The following DCDC2 variants were observed in gnomAD, a reference collection of about 807,000 sequenced individuals.
DCDC2 encodes doublecortin domain-containing protein 2.
In DCDC2, 40 loss-of-function variants were observed where a neutral mutation model predicts 50.2. That is an observed-to-expected ratio of 0.80 (90% CI 0.62 to 1.04). The LOEUF (loss-of-function observed/expected upper bound fraction) is 1.04. DCDC2 is among the 50% of genes least tolerant of loss of function. The pLI, the probability that DCDC2 is intolerant of heterozygous loss-of-function variation, is 0.00. For missense variants in DCDC2, 570 were observed against 581.9 expected (o/e 0.98, Z 0.21); for synonymous variants, 234 against 210.6 (o/e 1.11, Z -0.96).
At chr6:24,201,543 G>A (rs1038670174) in intron 8 of DCDC2, among the ~76,000 whole-genome samples, 3 of 152,158 alleles carry the variant, frequency 2.0e-5, no homozygotes, top group African/African-American at 7.2e-5. Flanking sequence ...GCCCACAGGA[G>A]AAAGCAGAAA....
At chr6:24,262,313 A>G (rs1423138814) in intron 7 of DCDC2, among the ~76,000 whole-genome samples, 1 of 152,218 alleles carries the variant, frequency 6.6e-6, no homozygotes, top group African/African-American at 2.4e-5. Flanking sequence ...CCAGAGGGAA[A>G]CTGTCCCATC....
At chr6:24,371,170 A>G in the DCDC2 span, among the ~76,000 whole-genome samples, 3 of 150,692 alleles carry the variant, frequency 2.0e-5, no homozygotes, top group East Asian at 6.0e-4. Context: ...CCACCTACTC[A>G]GGAGGCTGAG....
chr6:24,205,950 G>A (rs1424361256), intron 7 of DCDC2, among the ~76,000 whole-genome samples: 17 of 151,956 alleles, frequency 1.1e-4, no homozygotes, highest in Admixed American at 9.2e-4. Flanking sequence ...CAGGGATGGC[G>A]ATTTTACCTC....
At chr6:24,358,813 TA>T (rs1310642304), upstream of DCDC2, among the ~76,000 whole-genome samples, 2 of 31,588 alleles carry the variant, frequency 6.3e-5, no homozygotes, top group Non-Finnish European at 1.2e-4. Context: ...ATATTATATA[TA>T]AATATATATA....
At chr6:24,276,892 G>A (rs1351270854) in intron 7 of DCDC2, among the ~76,000 whole-genome samples, 1 of 152,048 alleles carries the variant, frequency 6.6e-6, no homozygotes, top group African/African-American at 2.4e-5. Context: ...GCTGCCCAAG[G>A]TCAATGGCAG....
chr6:24,315,078 C>A (rs1444443282), intron 2 of DCDC2, among the ~76,000 whole-genome samples: 2 of 152,136 alleles, frequency 1.3e-5, no homozygotes, highest in East Asian at 3.9e-4. Context: ...AATAGCTATA[C>A]CTCTCTGATA....
chr6:24,253,318 A>G (rs370302083), intron 7 of DCDC2, among the ~76,000 whole-genome samples: 246 of 152,330 alleles, frequency 1.6e-3, no homozygotes, highest in African/African-American at 5.5e-3. Flanking sequence ...TAGATCCTAC[A>G]GGCATTTTCT....
At chr6:24,195,704 GT>G (rs1761418999) in intron 8 of DCDC2, among the ~76,000 whole-genome samples, 1 of 152,162 alleles carries the variant, frequency 6.6e-6, no homozygotes, top group Non-Finnish European at 1.5e-5. Flanking sequence ...ACCAAAAGTG[GT>G]CCCAGAAATC....
chr6:24,242,990 C>T (rs372589652), intron 7 of DCDC2, among the ~76,000 whole-genome samples: 19 of 151,614 alleles, frequency 1.3e-4, no homozygotes, highest in African/African-American at 3.6e-4. Flanking sequence ...AAAGAAGACA[C>T]GAACAAAGGA....
chr6:24,257,750 A>C lies in DCDC2; in HGVS notation c.922+20299T>G, dbSNP rs151186138. On this transcript the variant is annotated intron_variant, in intron 7 of 9. Coordinates refer to ENST00000378454, the MANE Select transcript of DCDC2 (RefSeq NM_016356.5). ...AAGCTTCTAAAGAAATTTCATCAGAAAAGTTTTGTGTTTTTAGAGCACTCT... is the reference window on the plus strand; with the variant it reads ...AAGCTTCTAAAGAAATTTCATCAGACAAGTTTTGTGTTTTTAGAGCACTCT... 3.5e-4 allele frequency among the ~76,000 whole-genome samples: 53 copies of C among 152,196 alleles called. 1 individual carries two copies. The highest frequency in any genetic ancestry group is 3.4e-3 in the Middle Eastern group (1 of 294).
intron 2 of DCDC2, among the ~76,000 whole-genome samples, chr6:24,338,623 C>A (rs930608754): frequency 3.3e-5 from 5 of 152,120 alleles, no homozygotes. Context: ...CTGATGAAAT[C>A]CCTTCAATAG....
At chr6:24,205,240 C>T (rs1271407559) in intron 7 of DCDC2, 138 bp from the exon 8 acceptor site, 2 of 1,584,838 alleles carry the variant, frequency 1.3e-6, no homozygotes, top group East Asian at 4.6e-5. Context: ...TGTGCACCCC[C>T]TCCTCCGACC....
chr6:24,318,754 G>A (rs1759717205), intron 2 of DCDC2, among the ~76,000 whole-genome samples: 1 of 136,766 alleles, frequency 7.3e-6, no homozygotes, highest in African/African-American at 3.0e-5. Flanking sequence ...TTTAACAGCT[G>A]AATAATATTC....
At chr6:24,275,614 G>A (rs1763334907) in intron 7 of DCDC2, among the ~76,000 whole-genome samples, 1 of 151,994 alleles carries the variant, frequency 6.6e-6, no homozygotes, top group Admixed American at 6.6e-5. Flanking sequence ...ATGAGATCCA[G>A]CAATTTAAAA....
the DCDC2 span, among the ~76,000 whole-genome samples, chr6:24,371,119 T>C: frequency 6.8e-6 from 1 of 147,514 alleles, no homozygotes; most frequent in Non-Finnish European, 1.5e-5. Flanking sequence ...CTACTAAAAA[T>C]ACAAAAAATT....
At chr6:24,357,380 T>G in intron 1 of DCDC2, 78 bp downstream of exon 1, 2 of 1,452,528 alleles carry the variant, frequency 1.4e-6, no homozygotes, top group Non-Finnish European at 1.8e-6. Flanking sequence ...TGTGGGGGGG[T>G]AGGGATCTGC....
intron 8 of DCDC2, among the ~76,000 whole-genome samples, chr6:24,201,393 CTGAA>C (rs1234610455): frequency 6.6e-6 from 1 of 152,104 alleles, no homozygotes; most frequent in Non-Finnish European, 1.5e-5. Context: ...CAACCTGCTC[CTGAA>C]TGACTACTGG....
At position 24,296,923 on chromosome 6, in the gene DCDC2, A is replaced by C. The variant is rs148997725; in HGVS notation, c.557+4792T>G. Among the ~76,000 whole-genome samples the C allele has an allele frequency of 6.5e-3, 997 of 152,338 alleles. 8 individuals carry two copies. The highest frequency in any genetic ancestry group is 0.023 in the African/African-American group (945 of 41,582). On this transcript the variant is annotated intron_variant, in intron 4 of 9. Transcript: ENST00000378454. ...GTGTGGCAATTCCTCAGAGAGCTAA[A>C]AACAGAACTACCGTTTGACCCAGCA...
chr6:24,256,227 A>G (rs904513882), intron 7 of DCDC2, among the ~76,000 whole-genome samples: 55 of 151,814 alleles, frequency 3.6e-4, no homozygotes, highest in African/African-American at 1.3e-3. Flanking sequence ...TCCTGGGGTG[A>G]TATCTAGACT....
Sources: gnomAD v4.1 joint callset for allele counts (sites outside exome capture counted in the v4.1 genomes callset) on GRCh38, gnomAD v4.1.1 for gene constraint, MANE v1.5 for transcripts, NCBI Gene and HGNC (gene_info 2026-07-23, HGNC 2026-07-21) for gene names.